Variants in EGFLAM observed in about 807,000 individuals in gnomAD.
The protein encoded by EGFLAM is pikachurin.
A neutral mutation model predicts 113.1 loss-of-function variants in EGFLAM; 79 were observed. That is an observed-to-expected ratio of 0.70 (90% confidence interval 0.58 to 0.84). The LOEUF (loss-of-function observed/expected upper bound fraction) is 0.84. Ranked by LOEUF, EGFLAM falls within the 40% of genes least tolerant of loss-of-function variation. The probability of loss-of-function intolerance (pLI) is 0.00; values close to 1 mark genes in which losing one functional copy is unlikely to be tolerated. For missense variants in EGFLAM, 1,265 were observed against 1,291.6 expected (o/e 0.98, Z 0.32); for synonymous variants, 504 against 487.6 (o/e 1.03, Z -0.44).
chr5:38,384,019 G>C (rs901726313), intron 6 of EGFLAM, among the ~76,000 whole-genome samples: 1 of 152,132 alleles, frequency 6.6e-6, no homozygotes, highest in African/African-American at 2.4e-5. Context: ...CTTATTCAAA[G>C]TTAAAGGCCA....
intron 6 of EGFLAM, among the ~76,000 whole-genome samples, chr5:38,397,951 C>T (rs138481123): frequency 1.8e-4 from 27 of 152,268 alleles, no homozygotes; most frequent in African/African-American, 5.1e-4. Flanking sequence ...GATGGCTGGT[C>T]GGAATGTGGT....
intron 6 of EGFLAM, among the ~76,000 whole-genome samples, chr5:38,390,006 C>A (rs892163850): frequency 6.6e-6 from 1 of 152,100 alleles, no homozygotes; most frequent in African/African-American, 2.4e-5. Context: ...ATATCAGGAA[C>A]AACTGTATAT....
chr5:38,330,319 A>G (rs1047172850), intron 1 of EGFLAM, among the ~76,000 whole-genome samples: 1 of 152,086 alleles, frequency 6.6e-6, no homozygotes, highest in Non-Finnish European at 1.5e-5. Context: ...CTATTTCTCC[A>G]GCCAAGCAAG....
intron 1 of EGFLAM, among the ~76,000 whole-genome samples, chr5:38,263,367 C>T (rs1012143461): frequency 6.6e-6 from 1 of 152,140 alleles, no homozygotes; most frequent in Non-Finnish European, 1.5e-5. Flanking sequence ...GAGGCTGAGG[C>T]ACGAGAATCA....
At chr5:38,421,471 G>A (rs1741820779) in intron 12 of EGFLAM, among the ~76,000 whole-genome samples, 3 of 152,206 alleles carry the variant, frequency 2.0e-5, no homozygotes, top group Admixed American at 2.0e-4. Flanking sequence ...CGGTGACCAT[G>A]GGTCTCACTA....
chr5:38,445,762 C>A lies in EGFLAM; in HGVS notation c.2465-2539C>A, dbSNP rs1211796937. The A allele has an allele frequency of 7.1e-6, 11 of 1,554,692 alleles. 1 individual carries two copies. The South Asian group carries it at 1.2e-4, about 17-fold the overall frequency. ...GCGCTCTGGGCTGGGGCAGGCCAAC[C>A]GCATGCAGGGGGACCCGGGGTGAGT... On this transcript the variant is annotated intron_variant, in intron 17 of 21. Coordinates refer to ENST00000322350, the MANE Select transcript of EGFLAM (RefSeq NM_152403.4).
At chr5:38,306,119 G>A (rs1192636557) in intron 1 of EGFLAM, among the ~76,000 whole-genome samples, 3 of 152,148 alleles carry the variant, frequency 2.0e-5, no homozygotes, top group Admixed American at 6.5e-5. Flanking sequence ...CTTTGGTGTT[G>A]GCTAATTCAT....
intron 6 of EGFLAM, among the ~76,000 whole-genome samples, chr5:38,390,927 A>G (rs962878187): frequency 6.6e-6 from 1 of 152,110 alleles, no homozygotes; most frequent in Non-Finnish European, 1.5e-5. Context: ...TGTTGCAGGT[A>G]TCTCCTGTAA....
chr5:38,409,224 G>C (rs1003171860), intron 10 of EGFLAM, 120 bp downstream of exon 10: 5 of 791,724 alleles, frequency 6.3e-6, no homozygotes, highest in Non-Finnish European at 9.9e-6. Flanking sequence ...AGAATGGTTT[G>C]TATAAAATGA....
At chr5:38,308,092 G>A (rs924938316) in intron 1 of EGFLAM, among the ~76,000 whole-genome samples, 5 of 152,164 alleles carry the variant, frequency 3.3e-5, no homozygotes, top group African/African-American at 7.2e-5. Flanking sequence ...GTCCCCTTAG[G>A]AATAAACAGA....
At chr5:38,385,809 G>A (rs537977025) in intron 6 of EGFLAM, among the ~76,000 whole-genome samples, 4 of 152,248 alleles carry the variant, frequency 2.6e-5, no homozygotes, top group South Asian at 2.1e-4. Context: ...ACAGTAATGC[G>A]TTGCTTAACA....
rs1579763931 is a variant in EGFLAM, at chr5:38,316,640, C to T, written c.98-20880C>T. Among the ~76,000 whole-genome samples, 4 of 152,244 alleles carry T rather than the reference C, an allele frequency of 2.6e-5. No homozygotes were observed. The South Asian group carries it at 6.2e-4, about 24-fold the overall frequency. ...GCAATTTTTGTTAAAGATTCTGCAT[C>T]TCTTCCATACTATGGGCTCAATTCC... On this transcript the variant is annotated intron_variant, in intron 1 of 21. Coordinates refer to ENST00000322350, the MANE Select transcript of EGFLAM (RefSeq NM_152403.4).
At chr5:38,435,581 G>A (rs1289850228) in intron 16 of EGFLAM, among the ~76,000 whole-genome samples, 1 of 152,102 alleles carries the variant, frequency 6.6e-6, no homozygotes, top group East Asian at 1.9e-4. Flanking sequence ...AGTAGGGAAG[G>A]AGGTGGACGG....
At chr5:38,338,944 C>G (rs1739263902) in intron 3 of EGFLAM, among the ~76,000 whole-genome samples, 163 bp downstream of exon 3, 1 of 152,190 alleles carries the variant, frequency 6.6e-6, no homozygotes, top group African/African-American at 2.4e-5. Flanking sequence ...TCCTCTGAAC[C>G]ATGCCATCTA....
intron 17 of EGFLAM, among the ~76,000 whole-genome samples, chr5:38,445,141 A>G (rs1411093785): frequency 6.6e-6 from 1 of 152,054 alleles, no homozygotes; most frequent in African/African-American, 2.4e-5. Flanking sequence ...GCCTTTGTTA[A>G]TCAGAAAATA....
At chr5:38,457,225 C>A (rs1278375450) in intron 19 of EGFLAM, among the ~76,000 whole-genome samples, 3 of 152,156 alleles carry the variant, frequency 2.0e-5, no homozygotes, top group Non-Finnish European at 2.9e-5. Context: ...CTGCAATGTT[C>A]ATTTTTTTTT....
chr5:38,324,107 T>C (rs1020169162), intron 1 of EGFLAM, among the ~76,000 whole-genome samples: 1 of 151,416 alleles, frequency 6.6e-6, no homozygotes, highest in Non-Finnish European at 1.5e-5. Flanking sequence ...GATTCAGACA[T>C]TGCAGAGATG....
At chr5:38,436,325 G>A (rs918242617) in intron 16 of EGFLAM, among the ~76,000 whole-genome samples, 1 of 152,156 alleles carries the variant, frequency 6.6e-6, no homozygotes, top group Non-Finnish European at 1.5e-5. Flanking sequence ...GGTGGCTAAA[G>A]GATCCTTTTT....
Position 38,322,837 on chromosome 5 carries a change from A to G in EGFLAM, c.98-14683A>G, listed in dbSNP as rs180808181. On this transcript the variant is annotated intron_variant, in intron 1 of 21. Coordinates refer to ENST00000322350, the MANE Select transcript of EGFLAM (RefSeq NM_152403.4). ...CAGAGAAAAGCCAGCAGGGATCTGG[A>G]AAACTCTTCCTGCTGCTCCTTAGTG... is the stretch of plus-strand genomic sequence containing the variant. Among the ~76,000 whole-genome samples the G allele has an allele frequency of 3.0e-4, 45 of 152,282 alleles. No individual in the cohort carries two copies. In the East Asian group the frequency reaches 8.5e-3, roughly 29 times the overall value.
Sources: gnomAD v4.1 joint callset for allele counts (sites outside exome capture counted in the v4.1 genomes callset) on GRCh38, gnomAD v4.1.1 for gene constraint, MANE v1.5 for transcripts, NCBI Gene and HGNC (gene_info 2026-07-23, HGNC 2026-07-21) for gene names.